The following LRRC1 variants were observed in gnomAD, a reference collection of about 807,000 sequenced individuals.
The protein encoded by LRRC1 is leucine rich repeat containing 1.
LRRC1 carries 28 observed loss-of-function variants against 69.9 expected under a neutral mutation model. The observed-to-expected ratio is 0.40, with a 90% CI of 0.30 to 0.55. The LOEUF is 0.55. LRRC1 is among the 20% of genes least tolerant of loss of function. The pLI, the probability that LRRC1 is intolerant of heterozygous loss-of-function variation, is 0.47. For synonymous variants in LRRC1, 236 were observed against 240.2 expected (o/e 0.98, Z 0.16); for missense variants, 498 against 609.0 (o/e 0.82, Z 1.92).
intron 2 of LRRC1, among the ~76,000 whole-genome samples, chr6:53,878,175 A>C (rs569330059): frequency 6.6e-6 from 1 of 152,088 alleles, no homozygotes; most frequent in Non-Finnish European, 1.5e-5. Context: ...ACCTGCCCCC[A>C]TGATTCAATT....
chr6:53,892,011 T>TACACACACACACACACAC (rs70980877), intron 4 of LRRC1, among the ~76,000 whole-genome samples: 220 of 135,344 alleles, frequency 1.6e-3, no homozygotes, highest in Middle Eastern at 7.7e-3. Flanking sequence ...TATATATATA[T>TACACACACACACACACAC]ACACACACAC....
intron 11 of LRRC1, 42 bp from the exon 12 acceptor site, chr6:53,919,456 A>G (rs1157180669): frequency 6.4e-6 from 9 of 1,398,524 alleles, no homozygotes; most frequent in Non-Finnish European, 8.4e-6. Flanking sequence ...ACAAAATTTG[A>G]GGTTGTGATG....
At chr6:53,882,853 A>G in intron 3 of LRRC1, 34 bp from the exon 4 acceptor site, 1 of 1,398,952 alleles carries the variant, frequency 7.1e-7, no homozygotes, top group Non-Finnish European at 1.0e-6. Flanking sequence ...AACTTTTTTA[A>G]TTTACAGCGT....
At chr6:53,919,343 A>T in intron 11 of LRRC1, 155 bp from the exon 12 acceptor site, 1 of 485,870 alleles carries the variant, frequency 2.1e-6, no homozygotes, top group Non-Finnish European at 3.4e-6. Flanking sequence ...TGCAAAGAGT[A>T]TGTTGCGTCT....
At chr6:53,853,280 A>AT (rs1491244839) in intron 2 of LRRC1, among the ~76,000 whole-genome samples, 87 of 125,438 alleles carry the variant, frequency 6.9e-4, no homozygotes, top group African/African-American at 2.8e-3. Context: ...CAGGTGGTTC[A>AT]TATTTTTTTT....
chr6:53,873,867 T>A (rs1490649329), intron 2 of LRRC1, among the ~76,000 whole-genome samples: 4 of 152,224 alleles, frequency 2.6e-5, no homozygotes, highest in Non-Finnish European at 5.9e-5. Flanking sequence ...CCATATGATG[T>A]TCATTGTGGG....
chr6:53,897,473 AT>A (rs1249555430), intron 7 of LRRC1, 114 bp downstream of exon 7: 2 of 696,884 alleles, frequency 2.9e-6, no homozygotes, highest in African/African-American at 4.2e-5. Context: ...AACCAAAAAC[AT>A]TGATTGAAAA....
intron 1 of LRRC1, among the ~76,000 whole-genome samples, chr6:53,828,589 G>T (rs1765338943): frequency 1.3e-5 from 2 of 152,216 alleles, no homozygotes; most frequent in Admixed American, 6.5e-5. Flanking sequence ...TTCCTTTCAT[G>T]TATGTTTTAG....
chr6:53,861,217 A>C lies in LRRC1; in HGVS notation c.278-17776A>C, dbSNP rs192903459. On this transcript the variant is annotated intron_variant, in intron 2 of 13. Coordinates refer to ENST00000370888, the MANE Select transcript of LRRC1 (RefSeq NM_018214.5). ...ATAAAATGGCCAGGTCCTCATTGGC[A>C]GTGGTTCTCAACTGCATGTTAGATT... is the stretch of plus-strand genomic sequence containing the variant. Among the ~76,000 whole-genome samples, 20 of 152,126 alleles carry C rather than the reference A, an allele frequency of 1.3e-4. No homozygotes were observed. The East Asian group carries it at 3.9e-3, about 29-fold the overall frequency.
intron 2 of LRRC1, among the ~76,000 whole-genome samples, chr6:53,870,116 G>A (rs1245112785): frequency 6.6e-6 from 1 of 152,132 alleles, no homozygotes. Context: ...CCTGTAAACC[G>A]GACCTCTAGG....
chr6:53,847,697 A>G (rs904966354), intron 2 of LRRC1, among the ~76,000 whole-genome samples: 18 of 152,160 alleles, frequency 1.2e-4, no homozygotes, highest in Admixed American at 7.9e-4. Context: ...CCTCTGTCCA[A>G]CCACGAGATG....
Position 53,896,486 on chromosome 6 carries a change from GTTCAT to G in LRRC1, c.447-8_447-4del. 1 of 1,609,748 alleles carries G rather than the reference GTTCAT, an allele frequency of 6.2e-7. No homozygotes were observed. The highest frequency in any genetic ancestry group is 8.5e-7 in the Non-Finnish European group (1 of 1,176,778). ...TTCTCTTATGCTTTTTTTTCCTTCT[GTTCAT>G]TTCTAGTCTTTATAACCTGGCTTCA... is the stretch of plus-strand genomic sequence containing the variant. On this transcript the variant is annotated splice_polypyrimidine_tract_variant and splice_region_variant and intron_variant, in intron 4 of 13. Coordinates refer to ENST00000370888, the MANE Select transcript of LRRC1 (RefSeq NM_018214.5).
intron 1 of LRRC1, among the ~76,000 whole-genome samples, chr6:53,800,440 C>G (rs568586165): frequency 2.0e-5 from 3 of 150,690 alleles, no homozygotes; most frequent in South Asian, 4.2e-4. Context: ...TTAATAGAGA[C>G]GGGGTTTCAC....
rs1424513766 is a variant in LRRC1 at position 53,879,132 on chromosome 6, C to CTCTCAAGAT, written c.356+61_356+62insTCTCAAGAT. ...AAGAGTATCTTTTTTGAGAGCCAAG[C>CTCTCAAGAT]GGAGAACACAGTCAGGTTAACCATC... is the stretch of plus-strand genomic sequence containing the variant. On this transcript the variant is annotated intron_variant, in intron 3 of 13. Coordinates refer to ENST00000370888, the MANE Select transcript of LRRC1 (RefSeq NM_018214.5). 2.6e-6 allele frequency: 3 copies of CTCTCAAGAT among 1,137,464 alleles called. No individual in the cohort carries two copies. In the African/African-American group the frequency reaches 4.6e-5, roughly 17 times the overall value. 70.5% of individuals were successfully genotyped at this position (1,137,464 alleles called of 1,614,324 possible). A position where few individuals can be genotyped will look rare whatever the true frequency, so the allele number is the denominator to read the frequency against.
Position 53,919,681 on chromosome 6 carries a change from T to C in LRRC1, c.1279+11T>C. On this transcript the variant is annotated intron_variant, in intron 12 of 13. Transcript: ENST00000370888. ...AACCTACTTGTCAAGGTGAATTTAA[T>C]TTAAGGACAGTATTCACAGGGCCAC... The C allele has an allele frequency of 1.9e-6, 3 of 1,611,168 alleles. No homozygotes were observed. The highest frequency in any genetic ancestry group is 1.7e-6 in the Non-Finnish European group (2 of 1,178,762).
At position 53,919,491 on chromosome 6, in the gene LRRC1, A is replaced by AAAAAAAC; in HGVS notation, c.1107-4_1107-3insAAACAAA. On this transcript the variant is annotated splice_polypyrimidine_tract_variant and splice_region_variant and intron_variant, in intron 11 of 13. Transcript: ENST00000370888. ...GTCTCTTTTTTTAAAAAAAAAAAAAAAAACAGGTTGCTGCATCTACCTTTA... is the reference window on the plus strand; with the variant it reads ...GTCTCTTTTTTTAAAAAAAAAAAAAAAAAAAACAAACAGGTTGCTGCATCTACCTTTA... 1.3e-6 allele frequency: 2 copies of AAAAAAAC among 1,519,802 alleles called. No homozygotes were observed. The highest frequency in any genetic ancestry group is 1.8e-6 in the Non-Finnish European group (2 of 1,140,856). The allele number at this position is 1,519,802 out of a possible 1,614,324, so 94.1% of individuals were successfully genotyped here.
intron 1 of LRRC1, among the ~76,000 whole-genome samples, chr6:53,803,144 C>A (rs1764534230): frequency 6.6e-6 from 1 of 152,176 alleles, no homozygotes; most frequent in Non-Finnish European, 1.5e-5. Context: ...TTAAAACGGA[C>A]CCTTTACCAC....
intron 1 of LRRC1, among the ~76,000 whole-genome samples, chr6:53,813,623 A>G (rs1027198956): frequency 2.7e-5 from 4 of 150,858 alleles, no homozygotes; most frequent in South Asian, 4.2e-4. Flanking sequence ...AAAATGGACA[A>G]TGATTCAACA....
intron 1 of LRRC1, among the ~76,000 whole-genome samples, chr6:53,807,747 T>TCAACAA (rs60487267): frequency 1.9e-3 from 289 of 150,560 alleles, no homozygotes; most frequent in African/African-American, 6.2e-3. Context: ...CTCCGTGTCG[T>TCAACAA]CAACAACAAC....
Sources: allele counts gnomAD v4.1 joint callset (sites outside exome capture counted in the v4.1 genomes callset), GRCh38; gene constraint gnomAD v4.1.1; transcripts MANE v1.5; gene names NCBI Gene and HGNC (gene_info 2026-07-23, HGNC 2026-07-21).